The following BANP variants were observed in gnomAD, a reference collection of about 807,000 sequenced individuals.
BANP encodes the protein BTG3 associated nuclear protein.
A neutral mutation model predicts 68.1 loss-of-function variants in BANP; 11 were observed. That is an observed-to-expected ratio of 0.16 (90% CI 0.10 to 0.27). The LOEUF is 0.27. Among genes scored for constraint, BANP ranks in the 10% least tolerant of loss-of-function variants. BANP has a pLI of 1.00. For missense variants in BANP, 504 were observed against 722.7 expected (o/e 0.70, Z 3.47); for synonymous variants, 329 against 303.2 (o/e 1.09, Z -0.88).
chr16:87,955,226 G>C (rs1355331261), intron 1 of BANP, among the ~76,000 whole-genome samples: 1 of 152,020 alleles, frequency 6.6e-6, no homozygotes, highest in Non-Finnish European at 1.5e-5. Flanking sequence ...AGTGCGGTGG[G>C]CTCTGTCTGC....
chr16:88,009,630 C>G (rs1389418532), intron 6 of BANP, among the ~76,000 whole-genome samples: 1 of 152,128 alleles, frequency 6.6e-6, no homozygotes, highest in Non-Finnish European at 1.5e-5. Context: ...TAGACTGTGT[C>G]TCATTGGAAT....
At chr16:87,999,456 GGAC>G (rs2068481756) in intron 4 of BANP, among the ~76,000 whole-genome samples, 6 of 21,690 alleles carry the variant, frequency 2.8e-4, no homozygotes, top group Non-Finnish European at 4.5e-4. Flanking sequence ...GTGCGCGGCT[GGAC>G]TTACCTGTCC....
intron 4 of BANP, among the ~76,000 whole-genome samples, chr16:87,998,681 C>T (rs139126564): frequency 0.019 from 2,867 of 148,656 alleles, 109 homozygotes; most frequent in African/African-American, 0.069. Flanking sequence ...TGCACGTGCG[C>T]GGCTGGACTT....
intron 11 of BANP, among the ~76,000 whole-genome samples, chr16:88,044,495 C>T (rs1275573199): frequency 6.6e-6 from 1 of 152,194 alleles, no homozygotes; most frequent in Non-Finnish European, 1.5e-5. Context: ...TTCTGTTTCT[C>T]TTCCTTTTTG....
intron 11 of BANP, among the ~76,000 whole-genome samples, chr16:88,061,260 G>A (rs1023550620): frequency 1.3e-5 from 2 of 152,228 alleles, no homozygotes; most frequent in African/African-American, 4.8e-5. Context: ...GCTCTGGGCT[G>A]TAAATCTGCC....
chr16:87,998,917 C>T (rs1280558993), intron 4 of BANP, among the ~76,000 whole-genome samples: 3 of 7,638 alleles, frequency 3.9e-4, no homozygotes, highest in African/African-American at 2.7e-4. Context: ...CTTCCAGACA[C>T]GTCTCCATGC....
At chr16:87,983,683 G>A (rs1244923002) in intron 3 of BANP, among the ~76,000 whole-genome samples, 1 of 151,976 alleles carries the variant, frequency 6.6e-6, no homozygotes, top group Non-Finnish European at 1.5e-5. Flanking sequence ...CTTTTATGCT[G>A]TGTCGATGTT....
At chr16:88,073,087 G>T (rs1199519721) in intron 13 of BANP, among the ~76,000 whole-genome samples, 1 of 152,222 alleles carries the variant, frequency 6.6e-6, no homozygotes, top group East Asian at 1.9e-4. Flanking sequence ...TGCTCCCCGG[G>T]CACTGCTGAG....
intron 11 of BANP, among the ~76,000 whole-genome samples, chr16:88,049,859 C>T (rs955574598): frequency 6.6e-6 from 1 of 152,190 alleles, no homozygotes; most frequent in Non-Finnish European, 1.5e-5. Flanking sequence ...TTTCAGTGTG[C>T]CAGAAGGAAA....
chr16:88,049,645 T>C (rs2082795059), intron 11 of BANP, among the ~76,000 whole-genome samples: 1 of 152,152 alleles, frequency 6.6e-6, no homozygotes. Flanking sequence ...GAACCAGGGC[T>C]GTGGGAGTTA....
chr16:88,018,227 G>T lies in BANP; in HGVS notation c.656-201G>T, dbSNP rs920824039. Among the ~76,000 whole-genome samples the T allele has an allele frequency of 5.9e-5, 9 of 152,022 alleles. 1 individual carries two copies. The highest frequency in any genetic ancestry group is 3.3e-4 in the Admixed American group (5 of 15,274). Reference sequence around the variant, plus strand: ...GCCGCTTCTCGGGGGTGGTGGGATCGTGTCTGTTCCGCGTCAGTTCTTTCT... The same window carrying T: ...GCCGCTTCTCGGGGGTGGTGGGATCTTGTCTGTTCCGCGTCAGTTCTTTCT... On this transcript the variant is annotated intron_variant, in intron 6 of 13. Transcript: ENST00000682872. The surrounding 1 kb of genome is among the most constrained non-coding windows in gnomAD (Gnocchi z 7.7).
rs138209847 is a variant in BANP at position 88,075,657 on chromosome 16, C to G, written c.1522-933C>G. On this transcript the variant is annotated intron_variant, in intron 13 of 13. Coordinates refer to ENST00000682872, the MANE Select transcript of BANP (RefSeq NM_001386991.1). ...GCTTCTGGGAGTGTGCACGGCAGCC[C>G]TAGAGTGGGCTCCTCCACCTGGGGC... Among the ~76,000 whole-genome samples the G allele has an allele frequency of 6.2e-3, 950 of 152,106 alleles. 10 individuals are homozygous for G. Among genetic ancestry groups the G allele is most frequent in the African/African-American group, 0.022 (900 of 41,486 alleles).
chr16:87,985,508 A>G (rs2064192499), intron 4 of BANP, among the ~76,000 whole-genome samples: 1 of 151,972 alleles, frequency 6.6e-6, no homozygotes, highest in African/African-American at 2.4e-5. Flanking sequence ...TTTTTAGGAT[A>G]GTTTTTTGGG....
At chr16:87,968,364 G>C (rs528906944) in intron 1 of BANP, among the ~76,000 whole-genome samples, 1 of 151,922 alleles carries the variant, frequency 6.6e-6, no homozygotes, top group East Asian at 2.0e-4. Context: ...TGCACCTGTA[G>C]TCTTAGCTAC....
rs751808800 is a variant in BANP at position 88,065,305 on chromosome 16, A to G, written c.1350A>G (p.Pro450=). Residue 450 remains proline (P), a synonymous_variant, in exon 12 of 14, where the codon CCA becomes CCG. Transcript: ENST00000682872. ...EATRIPCLLA[P]SVFKASSGQV... is the part of the protein sequence containing the mutation. ...CCCGCATCCCCTGCCTCCTGGCCCC[A>G]TCCGTCTTCAAAGCCAGCAGTGGCC... 2.6e-6 allele frequency: 2 copies of G among 769,650 alleles called. No homozygotes were observed. Among genetic ancestry groups the G allele is most frequent in the Non-Finnish European group, 4.8e-6 (2 of 417,740 alleles). The allele number at this position is 769,650 out of a possible 1,614,324, so 47.7% of individuals were successfully genotyped here. A position where few individuals can be genotyped will look rare whatever the true frequency, so the allele number is the denominator to read the frequency against.
chr16:88,008,133 A>AT, intron 6 of BANP, among the ~76,000 whole-genome samples: 1 of 152,274 alleles, frequency 6.6e-6, no homozygotes, highest in East Asian at 1.9e-4. Flanking sequence ...CATCACCCAC[A>AT]TTGTAGCTTT....
chr16:87,958,625 T>C (rs765206451), intron 1 of BANP, among the ~76,000 whole-genome samples: 1 of 152,116 alleles, frequency 6.6e-6, no homozygotes, highest in Non-Finnish European at 1.5e-5. Context: ...AGCCCGGGAA[T>C]TGGAGGCTGC....
chr16:87,956,078 G>A (rs759914538), intron 1 of BANP, among the ~76,000 whole-genome samples: 11 of 152,132 alleles, frequency 7.2e-5, no homozygotes, highest in Non-Finnish European at 1.5e-4. Flanking sequence ...GGCCTCAGTG[G>A]TCTTGCAGCT....
intron 12 of BANP, among the ~76,000 whole-genome samples, chr16:88,069,902 T>C (rs2089865917): frequency 6.6e-6 from 1 of 152,196 alleles, no homozygotes; most frequent in African/African-American, 2.4e-5. Flanking sequence ...CCACCTCCTC[T>C]GTCTCTTCTG....
Sources: allele counts gnomAD v4.1 joint callset (sites outside exome capture counted in the v4.1 genomes callset), GRCh38; gene constraint gnomAD v4.1.1; non-coding constraint Gnocchi (gnomAD v3.1); transcripts MANE v1.5; gene names NCBI Gene and HGNC (gene_info 2026-07-23, HGNC 2026-07-21).